The following BRD10 variants were observed in gnomAD, a reference collection of about 807,000 sequenced individuals.
BRD10 encodes the protein uncharacterized bromodomain-containing protein 10.
the BRD10 span, among the ~76,000 whole-genome samples, chr9:5,900,512 T>A: frequency 6.6e-6 from 1 of 152,214 alleles, no homozygotes; most frequent in East Asian, 1.9e-4. Flanking sequence ...CATAATTACC[T>A]CCCTTTCTGT....
the BRD10 span, among the ~76,000 whole-genome samples, chr9:5,974,564 A>G: frequency 6.6e-6 from 1 of 152,270 alleles, no homozygotes; most frequent in South Asian, 2.1e-4. Context: ...ACAGACAGAG[A>G]GTACCCAGCT....
At chr9:6,007,624 T>G in the BRD10 span, 1 of 1,603,500 alleles carries the variant, frequency 6.2e-7, no homozygotes, top group Non-Finnish European at 8.5e-7. Flanking sequence ...TTCCTCCTGA[T>G]CGTCCGCGTC....
chr9:5,968,266 G>A, the BRD10 span: 2 of 1,612,304 alleles, frequency 1.2e-6, no homozygotes, highest in East Asian at 2.2e-5. Flanking sequence ...CTTTGTGGCA[G>A]TTAATTTCTG....
the BRD10 span, chr9:5,892,626 C>T: frequency 2.5e-5 from 30 of 1,184,314 alleles, no homozygotes; most frequent in African/African-American, 4.7e-5. Context: ...TCCACCAGTA[C>T]ATGCCTGCTC....
At chr9:5,931,290 T>C in the BRD10 span, among the ~76,000 whole-genome samples, 6 of 152,162 alleles carry the variant, frequency 3.9e-5, no homozygotes, top group African/African-American at 1.4e-4. Context: ...AGGCACAGGA[T>C]GGGGAGACTG....
At chr9:5,944,183 A>C in the BRD10 span, among the ~76,000 whole-genome samples, 1 of 152,182 alleles carries the variant, frequency 6.6e-6, no homozygotes, top group Non-Finnish European at 1.5e-5. Flanking sequence ...ACTGGTATGT[A>C]ATTGTGTTTA....
the BRD10 span, among the ~76,000 whole-genome samples, chr9:5,973,306 G>A: frequency 2.6e-5 from 4 of 151,966 alleles, no homozygotes; most frequent in African/African-American, 7.2e-5. Context: ...GTCTCTACTA[G>A]AAATACAAAA....
the BRD10 span, among the ~76,000 whole-genome samples, chr9:5,953,063 C>A: frequency 0.34 from 51,131 of 151,946 alleles, 10,283 homozygotes; most frequent in Non-Finnish European, 0.46. Flanking sequence ...TTAGTAACTT[C>A]CATAAAAACA....
the BRD10 span, among the ~76,000 whole-genome samples, chr9:5,941,480 G>T: frequency 3.9e-5 from 6 of 152,068 alleles, no homozygotes; most frequent in Admixed American, 3.3e-4. Flanking sequence ...ACAAATACCT[G>T]GTAGATAAAA....
chr9:5,940,667 T>C, the BRD10 span, among the ~76,000 whole-genome samples: 2 of 152,200 alleles, frequency 1.3e-5, no homozygotes, highest in Non-Finnish European at 2.9e-5. Context: ...GTCTGCTAAA[T>C]ACACCATTGT....
the BRD10 span, chr9:5,922,745 T>C: frequency 2.5e-6 from 4 of 1,614,004 alleles, no homozygotes; most frequent in Middle Eastern, 1.6e-4. Flanking sequence ...CACCTGAATC[T>C]TTACAGAGCT....
chr9:5,968,804 A>T, the BRD10 span: 1 of 1,613,916 alleles, frequency 6.2e-7, no homozygotes, highest in Non-Finnish European at 8.5e-7. Context: ...TGCACCACAG[A>T]ACTGTGGAAA....
At chr9:5,965,607 G>T in the BRD10 span, among the ~76,000 whole-genome samples, 1 of 152,156 alleles carries the variant, frequency 6.6e-6, no homozygotes, top group Non-Finnish European at 1.5e-5. Context: ...CCCCACTGGG[G>T]ATGACTTAAA....
chr9:5,920,051 GATGT>G, the BRD10 span: 2 of 1,613,986 alleles, frequency 1.2e-6, no homozygotes, highest in Admixed American at 3.3e-5. Flanking sequence ...GAGTTGTGGT[GATGT>G]ATGTACTGTG....
the BRD10 span, among the ~76,000 whole-genome samples, chr9:6,004,139 G>A: frequency 6.6e-6 from 1 of 152,156 alleles, no homozygotes; most frequent in Non-Finnish European, 1.5e-5. Context: ...TGATAGACTA[G>A]TCTCTTTCTC....
At chr9:5,992,602 A>G in the BRD10 span, among the ~76,000 whole-genome samples, 1 of 152,146 alleles carries the variant, frequency 6.6e-6, no homozygotes. Context: ...TAGGGAAATC[A>G]TTTCATGAAA....
the BRD10 span, among the ~76,000 whole-genome samples, chr9:5,894,770 A>G: frequency 2.0e-5 from 3 of 152,134 alleles, no homozygotes; most frequent in Non-Finnish European, 4.4e-5. The surrounding 1 kb of genome is among the most constrained non-coding windows in gnomAD (Gnocchi z 4.0). Flanking sequence ...GTTTGTAGGC[A>G]CCCTCTAGAG....
At chr9:5,919,583 C>CA in the BRD10 span, 4 of 1,025,392 alleles carry the variant, frequency 3.9e-6, no homozygotes, top group Non-Finnish European at 4.2e-6. Context: ...CACACACACA[C>CA]AATGTATAGT....
chr9:5,991,586 G>C, the BRD10 span, among the ~76,000 whole-genome samples: 1 of 152,024 alleles, frequency 6.6e-6, no homozygotes, highest in African/African-American at 2.4e-5. Flanking sequence ...AGCTGGGCCT[G>C]ATGGCACGTG....
Sources: gnomAD v4.1 joint callset for allele counts (sites outside exome capture counted in the v4.1 genomes callset) on GRCh38, gnomAD v4.1.1 for gene constraint, Gnocchi (gnomAD v3.1) non-coding constraint, MANE v1.5 for transcripts, NCBI Gene and HGNC (gene_info 2026-07-23, HGNC 2026-07-21) for gene names.